Variants in TECRL observed in about 807,000 individuals in gnomAD.
The protein encoded by TECRL is trans-2,3-enoyl-CoA reductase like.
In TECRL, 63 loss-of-function variants were observed where a neutral mutation model predicts 52.8. The ratio of observed to expected loss-of-function variants is 1.19; its 90% CI spans 0.97 to 1.47. The LOEUF (loss-of-function observed/expected upper bound fraction) is 1.47, where lower values mean the gene tolerates loss of function less well. Among genes scored for constraint, TECRL ranks in the 40% most tolerant of loss-of-function variants. The pLI is 0.00. For missense variants in TECRL, 482 were observed against 429.6 expected (o/e 1.12, Z -1.08); for synonymous variants, 164 against 141.9 (o/e 1.16, Z -1.10).
chr4:64,321,465 T>A (rs1040620906), intron 4 of TECRL, among the ~76,000 whole-genome samples: 3 of 152,088 alleles, frequency 2.0e-5, no homozygotes, highest in Non-Finnish European at 2.9e-5. Flanking sequence ...GGAATGTAAA[T>A]GCAAAGAAAA....
intron 2 of TECRL, among the ~76,000 whole-genome samples, chr4:64,359,732 A>G (rs1721044292): frequency 6.6e-6 from 1 of 152,058 alleles, no homozygotes; most frequent in Non-Finnish European, 1.5e-5. Flanking sequence ...GCTCTCCCTT[A>G]ATAAGAGTTT....
At chr4:64,309,713 T>C (rs920909958) in intron 6 of TECRL, 113 bp downstream of exon 6, 2 of 749,220 alleles carry the variant, frequency 2.7e-6, no homozygotes. Flanking sequence ...AGTATGCTTA[T>C]GCAATTAAAC....
intron 2 of TECRL, among the ~76,000 whole-genome samples, chr4:64,374,061 A>G (rs1362325178): frequency 7.3e-6 from 1 of 137,450 alleles, no homozygotes; most frequent in Non-Finnish European, 1.6e-5. Flanking sequence ...ACATATATAT[A>G]TATATATATA....
At chr4:64,343,937 A>T (rs1225407447) in intron 2 of TECRL, among the ~76,000 whole-genome samples, 1 of 152,042 alleles carries the variant, frequency 6.6e-6, no homozygotes, top group Non-Finnish European at 1.5e-5. Context: ...CTTTTTAAAA[A>T]AATACCAGAA....
At chr4:64,392,900 C>A (rs534179645) in intron 1 of TECRL, among the ~76,000 whole-genome samples, 35 of 151,904 alleles carry the variant, frequency 2.3e-4, no homozygotes, top group Non-Finnish European at 5.0e-4. Context: ...CACAAATGAA[C>A]AATTAAGCCA....
chr4:64,399,828 G>C (rs1724225098), intron 1 of TECRL, among the ~76,000 whole-genome samples: 1 of 152,140 alleles, frequency 6.6e-6, no homozygotes, highest in Admixed American at 6.6e-5. Context: ...GCCTGATGGA[G>C]GGGTGGAACC....
intron 8 of TECRL, chr4:64,299,117 A>G (rs1048310114): frequency 3.3e-5 from 5 of 151,152 alleles, no homozygotes; most frequent in African/African-American, 1.2e-4. Context: ...AAAAAAAAAG[A>G]TCTCTCCTTT....
rs1375983173 is a variant in TECRL at position 64,278,174 on chromosome 4, A to G, written c.*1898T>C. On this transcript the variant is annotated 3_prime_UTR_variant, in exon 12 of 12. Transcript: ENST00000381210. The stretch of plus-strand genomic sequence containing the variant: ...ATAATCTATATATTTCAAAATATAT[A>G]TTTAGAATGATTTTCAAATAATCTA... 6.6e-6 allele frequency: 1 copy of G among 151,640 alleles called. No homozygotes were observed. The highest frequency in any genetic ancestry group is 2.4e-5 in the African/African-American group (1 of 41,388). The allele number at this position is 151,640 out of a possible 1,614,324, so 9.4% of individuals were successfully genotyped here. A position where few individuals can be genotyped will look rare whatever the true frequency, so the allele number is the denominator to read the frequency against.
intron 2 of TECRL, among the ~76,000 whole-genome samples, chr4:64,349,412 T>C (rs1257080258): frequency 6.6e-6 from 1 of 152,142 alleles, no homozygotes; most frequent in African/African-American, 2.4e-5. Context: ...ATTATAGGTG[T>C]GAGCCACCTC....
At chr4:64,285,425 A>G (rs574795833) in intron 9 of TECRL, among the ~76,000 whole-genome samples, 1 of 152,174 alleles carries the variant, frequency 6.6e-6, no homozygotes, top group African/African-American at 2.4e-5. Context: ...AATTTCTGCC[A>G]CCTGAGAACA....
intron 5 of TECRL, among the ~76,000 whole-genome samples, chr4:64,311,131 A>C (rs1010288196): frequency 1.3e-5 from 2 of 152,224 alleles, no homozygotes; most frequent in Non-Finnish European, 2.9e-5. Context: ...AGTTGATTTT[A>C]GTGGAAATGA....
chr4:64,355,034 T>C (rs571708632), intron 2 of TECRL, among the ~76,000 whole-genome samples: 2 of 152,302 alleles, frequency 1.3e-5, no homozygotes, highest in South Asian at 4.1e-4. Context: ...GTTATGAGAT[T>C]AGCATACTTG....
chr4:64,356,566 AG>A (rs1401896242), intron 2 of TECRL, among the ~76,000 whole-genome samples: 2 of 152,184 alleles, frequency 1.3e-5, no homozygotes, highest in African/African-American at 4.8e-5. Flanking sequence ...ATCCAGGCAT[AG>A]TACCTCCCCT....
intron 6 of TECRL, among the ~76,000 whole-genome samples, chr4:64,306,096 T>G (rs1385745374): frequency 1.3e-5 from 2 of 152,112 alleles, no homozygotes; most frequent in Non-Finnish European, 2.9e-5. Flanking sequence ...AGGGCAGACT[T>G]CTTTTACTTT....
At chr4:64,358,917 A>G (rs1284472840) in intron 2 of TECRL, among the ~76,000 whole-genome samples, 1 of 151,848 alleles carries the variant, frequency 6.6e-6, no homozygotes, top group African/African-American at 2.4e-5. Flanking sequence ...TGAAAAATAA[A>G]TGATATTTTA....
At chr4:64,327,971 AGTTGATGTAGT>A (rs1445067883) in intron 3 of TECRL, among the ~76,000 whole-genome samples, 1 of 151,994 alleles carries the variant, frequency 6.6e-6, no homozygotes, top group African/African-American at 2.4e-5. Context: ...TTTAAAATAA[AGTTGATGTAGT>A]GTCAGCAACA....
intron 3 of TECRL, among the ~76,000 whole-genome samples, chr4:64,323,479 T>C (rs1338707328): frequency 6.6e-6 from 1 of 152,178 alleles, no homozygotes; most frequent in Non-Finnish European, 1.5e-5. Flanking sequence ...AATGATTTTA[T>C]AAGAGCATAA....
intron 7 of TECRL, among the ~76,000 whole-genome samples, chr4:64,302,850 C>T (rs1358082499): frequency 6.6e-6 from 1 of 151,288 alleles, no homozygotes; most frequent in South Asian, 2.1e-4. Context: ...TTGCTGAAAA[C>T]AGCTTTAATA....
rs558357660 is a variant in TECRL, at chr4:64,384,122, C to T, written c.235-8899G>A. 3.9e-5 allele frequency among the ~76,000 whole-genome samples: 6 copies of T among 152,216 alleles called. No individual in the cohort carries two copies. In the East Asian group the frequency reaches 1.2e-3, roughly 29 times the overall value. On this transcript the variant is annotated intron_variant, in intron 1 of 11. Coordinates refer to ENST00000381210, the MANE Select transcript of TECRL (RefSeq NM_001010874.5). Reference sequence around the variant, plus strand: ...GCTTAGACATCAGTAGTGTCAGCAGCAGGCCATGTGTGCCAGTCATTGGGT... The same window carrying T: ...GCTTAGACATCAGTAGTGTCAGCAGTAGGCCATGTGTGCCAGTCATTGGGT...
Sources: allele counts gnomAD v4.1 joint callset (sites outside exome capture counted in the v4.1 genomes callset), GRCh38; gene constraint gnomAD v4.1.1; transcripts MANE v1.5; gene names NCBI Gene and HGNC (gene_info 2026-07-23, HGNC 2026-07-21).